Variants in CORO1C observed in about 807,000 individuals in gnomAD.
The protein encoded by CORO1C is coronin-1C.
In CORO1C, 14 loss-of-function variants were observed where a neutral mutation model predicts 51.2. The observed-to-expected ratio is 0.27, with a 90% CI of 0.18 to 0.43. The LOEUF (loss-of-function observed/expected upper bound fraction) is 0.43. Among genes scored for constraint, CORO1C ranks in the 20% least tolerant of loss-of-function variants. The probability of loss-of-function intolerance (pLI) is 1.00; values close to 1 mark genes in which losing one functional copy is unlikely to be tolerated. For missense variants in CORO1C, 417 were observed against 607.8 expected (o/e 0.69, Z 3.30); for synonymous variants, 181 against 210.5 (o/e 0.86, Z 1.21).
chr12:108,678,888 G>C (rs2136833851), intron 2 of CORO1C, among the ~76,000 whole-genome samples: 1 of 151,936 alleles, frequency 6.6e-6, no homozygotes, highest in South Asian at 2.1e-4. Flanking sequence ...TTGGGAGGCT[G>C]AGGCAGGTGG....
chr12:108,708,016 C>T (rs750477242), intron 1 of CORO1C, among the ~76,000 whole-genome samples: 1 of 152,196 alleles, frequency 6.6e-6, no homozygotes, highest in South Asian at 2.1e-4. Flanking sequence ...TCAGAACCCT[C>T]ATACACTCCT....
intron 3 of CORO1C, among the ~76,000 whole-genome samples, chr12:108,669,092 A>G (rs2033613503): frequency 6.6e-6 from 1 of 152,196 alleles, no homozygotes; most frequent in African/African-American, 2.4e-5. Context: ...AATATAATTT[A>G]ATTTTAGGCT....
intron 3 of CORO1C, among the ~76,000 whole-genome samples, chr12:108,671,878 T>G (rs1205993882): frequency 1.3e-5 from 2 of 152,084 alleles, no homozygotes; most frequent in Non-Finnish European, 2.9e-5. Flanking sequence ...TCCTCCCACC[T>G]CAGGCTCCCA....
intron 1 of CORO1C, among the ~76,000 whole-genome samples, chr12:108,708,698 G>A (rs769683660): frequency 6.6e-6 from 1 of 152,126 alleles, no homozygotes; most frequent in Non-Finnish European, 1.5e-5. Flanking sequence ...CTGACCTCAG[G>A]TGATCTGCCC....
intron 3 of CORO1C, among the ~76,000 whole-genome samples, chr12:108,663,209 G>A (rs564799203): frequency 9.8e-5 from 15 of 152,334 alleles, no homozygotes; most frequent in Non-Finnish European, 2.2e-4. Flanking sequence ...CTGCACACAT[G>A]GCTGGTGAAA....
chr12:108,645,783 C>G lies in CORO1C; in HGVS notation c.*1620G>C, dbSNP rs1364109737. Reference sequence around the variant, plus strand: ...AGCCAGTCCCATGCCCACACCAGCACGAGCATGTGCAAGAATTCCCTTCGT... The same window carrying G: ...AGCCAGTCCCATGCCCACACCAGCAGGAGCATGTGCAAGAATTCCCTTCGT... On this transcript the variant is annotated 3_prime_UTR_variant, in exon 11 of 11. Transcript: ENST00000261401. The G allele has an allele frequency of 1.3e-5, 2 of 152,292 alleles. No individual in the cohort carries two copies. Among genetic ancestry groups the G allele is most frequent in the African/African-American group, 4.8e-5 (2 of 41,446 alleles). The allele number at this position is 152,292 out of a possible 1,614,324, so 9.4% of individuals were successfully genotyped here. A position where few individuals can be genotyped will look rare whatever the true frequency, so the allele number is the denominator to read the frequency against.
Position 108,646,722 on chromosome 12 carries a change from G to A in CORO1C, c.*681C>T, listed in dbSNP as rs935385297. On this transcript the variant is annotated 3_prime_UTR_variant, in exon 11 of 11. Transcript: ENST00000261401. Reference sequence around the variant, plus strand: ...AAGACTCCATGAAATGAGAGCGGTGGTAATATGAATCCACGTGATTTTTCA... The same window carrying A: ...AAGACTCCATGAAATGAGAGCGGTGATAATATGAATCCACGTGATTTTTCA... 1.3e-5 allele frequency: 2 copies of A among 152,342 alleles called. No individual in the cohort carries two copies. Among genetic ancestry groups the A allele is most frequent in the African/African-American group, 2.4e-5 (1 of 41,440 alleles). 9.4% of individuals were successfully genotyped at this position (152,342 alleles called of 1,614,324 possible). A position where few individuals can be genotyped will look rare whatever the true frequency, so the allele number is the denominator to read the frequency against.
At chr12:108,678,841 G>T (rs1359381155) in intron 2 of CORO1C, among the ~76,000 whole-genome samples, 1 of 151,522 alleles carries the variant, frequency 6.6e-6, no homozygotes, top group Non-Finnish European at 1.5e-5. Flanking sequence ...AAATGTAAAG[G>T]CCGGGCGCGG....
chr12:108,679,137 G>A (rs368846940), intron 2 of CORO1C, among the ~76,000 whole-genome samples: 5,861 of 32,648 alleles, frequency 0.18, 1 homozygote, highest in Middle Eastern at 0.29. Context: ...AAAGAAACAA[G>A]AAAAAAGAAA....
Position 108,706,186 on chromosome 12 carries a change from C to CAAA in CORO1C, c.-5-4866_-5-4864dup, listed in dbSNP as rs368147183. Among the ~76,000 whole-genome samples, 66 of 118,544 alleles carry CAAA rather than the reference C, an allele frequency of 5.6e-4. 2 individuals are homozygous for CAAA. The highest frequency in any genetic ancestry group is 1.4e-3 in the East Asian group (4 of 2,840). 77.8% of individuals were successfully genotyped at this position (118,544 alleles called of 152,430 possible). On this transcript the variant is annotated intron_variant, in intron 1 of 10. Transcript: ENST00000261401. The stretch of plus-strand genomic sequence containing the variant: ...TGGGCAACAGAGTGAGACTCTGAAT[C>CAAA]AAAAAAAAACAAAAAAAACAAAAAA...
In CORO1C at chr12:108,662,289, G is replaced by GA. The variant is rs1444627676; in HGVS notation, c.319-132dup. On this transcript the variant is annotated intron_variant, in intron 3 of 10. Transcript: ENST00000261401. ...TAGAGTGATATCTGGATGAAAGGCA[G>GA]AATGTTGTGAAATGACCGTGTTAGG... 6.3e-6 allele frequency: 5 copies of GA among 787,690 alleles called. No homozygotes were observed. In the African/African-American group the frequency reaches 8.6e-5, roughly 14 times the overall value. 48.8% of individuals were successfully genotyped at this position (787,690 alleles called of 1,614,324 possible).
chr12:108,662,327 T>G (rs74792606), intron 3 of CORO1C, among the ~76,000 whole-genome samples, 169 bp from the exon 4 acceptor site: 1 of 152,234 alleles, frequency 6.6e-6, no homozygotes, highest in East Asian at 1.9e-4. Context: ...GTTTTTTTTT[T>G]GTTTGTTTTT....
chr12:108,709,020 G>A (rs2035108253), intron 1 of CORO1C, among the ~76,000 whole-genome samples: 1 of 151,874 alleles, frequency 6.6e-6, no homozygotes, highest in African/African-American at 2.4e-5. Flanking sequence ...CTTCCAAACT[G>A]CTTGGATTAT....
chr12:108,717,846 C>T (rs1385305644), intron 1 of CORO1C, among the ~76,000 whole-genome samples: 1 of 152,058 alleles, frequency 6.6e-6, no homozygotes, highest in Non-Finnish European at 1.5e-5. Context: ...TAATTGGATC[C>T]ATGGCTTTAA....
intron 1 of CORO1C, among the ~76,000 whole-genome samples, chr12:108,720,209 C>A (rs1282178023): frequency 6.6e-6 from 1 of 152,086 alleles, no homozygotes; most frequent in Non-Finnish European, 1.5e-5. Context: ...GACACACACA[C>A]ACGCACACAC....
intron 3 of CORO1C, among the ~76,000 whole-genome samples, chr12:108,663,199 C>T (rs1478613131): frequency 6.6e-6 from 1 of 152,234 alleles, no homozygotes; most frequent in African/African-American, 2.4e-5. Context: ...AAATCAGAGC[C>T]TGCACACATG....
chr12:108,679,144 GA>G (rs58733297), intron 2 of CORO1C, among the ~76,000 whole-genome samples: 1,794 of 47,366 alleles, frequency 0.038, 53 homozygotes, highest in African/African-American at 0.12. Flanking sequence ...CAAGAAAAAA[GA>G]AAAAAAAAAA....
At chr12:108,660,082 C>T (rs1012700282) in intron 4 of CORO1C, among the ~76,000 whole-genome samples, 7 of 152,286 alleles carry the variant, frequency 4.6e-5, no homozygotes, top group African/African-American at 1.4e-4. Flanking sequence ...TGGATTCTTG[C>T]CAACAAAGCA....
At chr12:108,669,556 G>A (rs978351030) in intron 3 of CORO1C, among the ~76,000 whole-genome samples, 3 of 151,582 alleles carry the variant, frequency 2.0e-5, no homozygotes, top group African/African-American at 7.3e-5. Flanking sequence ...CTACTCCCAG[G>A]ATCTCCTTGA....
Sources: gnomAD v4.1 joint callset for allele counts (sites outside exome capture counted in the v4.1 genomes callset) on GRCh38, gnomAD v4.1.1 for gene constraint, MANE v1.5 for transcripts, NCBI Gene and HGNC (gene_info 2026-07-23, HGNC 2026-07-21) for gene names.